HPF1: variants seen among roughly 807,000 people sequenced by gnomAD.
The protein encoded by HPF1 is histone PARylation factor 1.
A neutral mutation model predicts 38.8 loss-of-function variants in HPF1; 35 were observed. The observed-to-expected ratio is 0.90, with a 90% CI of 0.69 to 1.19. HPF1 has a LOEUF of 1.19. Ranked by LOEUF, HPF1 falls within the 50% of genes most tolerant of loss-of-function variation. The pLI is 0.00. For missense variants in HPF1, 367 were observed against 405.8 expected, an observed-to-expected ratio of 0.90 and a Z score of 0.82; for synonymous variants, 115 against 139.2, an observed-to-expected ratio of 0.83 and a Z score of 1.22.
At chr4:169,730,419 G>A (rs556152592) in intron 7 of HPF1, among the ~76,000 whole-genome samples, 14 of 152,266 alleles carry the variant, frequency 9.2e-5, no homozygotes, top group Non-Finnish European at 1.8e-4. Flanking sequence ...ATTTGGATTG[G>A]TCAATGACTG....
At chr4:169,733,196 G>A (rs1290343098) in intron 6 of HPF1, among the ~76,000 whole-genome samples, 1 of 152,132 alleles carries the variant, frequency 6.6e-6, no homozygotes, top group Non-Finnish European at 1.5e-5. Flanking sequence ...TGCGTTTGAG[G>A]TAAGAATAGA....
intron 1 of HPF1, among the ~76,000 whole-genome samples, chr4:169,756,663 T>C (rs1308935729): frequency 6.6e-6 from 1 of 152,178 alleles, no homozygotes; most frequent in Non-Finnish European, 1.5e-5. Context: ...TATGTAAAAA[T>C]ACACAGAACG....
intron 3 of HPF1, among the ~76,000 whole-genome samples, chr4:169,749,519 G>A (rs1339340768): frequency 1.3e-5 from 2 of 152,000 alleles, no homozygotes; most frequent in Non-Finnish European, 2.9e-5. Flanking sequence ...CAGCTCCTCA[G>A]TAAAATATCT....
chr4:169,753,587 G>A, intron 2 of HPF1, 89 bp downstream of exon 2: 1 of 1,104,346 alleles, frequency 9.1e-7, no homozygotes, highest in Non-Finnish European at 1.3e-6. Flanking sequence ...GCCTCAGCTG[G>A]GATTACAGAG....
chr4:169,737,702 C>A lies in HPF1; in HGVS notation c.694G>T (p.Asp232Tyr), dbSNP rs1733916298. 6.8e-6 allele frequency: 11 copies of A among 1,612,690 alleles called. No homozygotes were observed. Among genetic ancestry groups the A allele is most frequent in the Non-Finnish European group, 8.5e-6 (10 of 1,179,088 alleles). ...TCTCGGTACCCAACATCATTTTTAT[C>A]TACTGGAACAACCAAGCCTGCACCA... ...FHGAGLVVPV[D>Y]KNDVGYRELP... The change falls in exon 6 of 8, where the codon GAT becomes TAT. Residue 232 changes from aspartate to tyrosine, a missense_variant. Transcript: ENST00000393381.
At chr4:169,748,987 T>C in intron 3 of HPF1, 145 bp from the exon 4 acceptor site, 1 of 482,630 alleles carries the variant, frequency 2.1e-6, no homozygotes, top group Middle Eastern at 3.2e-4. Context: ...TACCAGAATT[T>C]ATCGATTACA....
At chr4:169,756,938 G>A (rs1412730264) in intron 1 of HPF1, among the ~76,000 whole-genome samples, 1 of 152,180 alleles carries the variant, frequency 6.6e-6, no homozygotes, top group Non-Finnish European at 1.5e-5. Flanking sequence ...TAGAATGCAT[G>A]ACCCAATATG....
chr4:169,757,637 G>A (rs73864764), intron 1 of HPF1, among the ~76,000 whole-genome samples, 193 bp downstream of exon 1: 1,562 of 152,336 alleles, frequency 0.01, 32 homozygotes, highest in African/African-American at 0.036. Context: ...AAGATGCAGA[G>A]GAGCTACTTT....
intron 5 of HPF1, 53 bp downstream of exon 5, chr4:169,741,904 A>AG (rs1733973712): frequency 1.3e-6 from 2 of 1,493,572 alleles, no homozygotes; most frequent in South Asian, 1.2e-5. Context: ...AGGAATCAAG[A>AG]GGGGAAAAAA....
At chr4:169,757,514 GC>G (rs1734204343) in intron 1 of HPF1, among the ~76,000 whole-genome samples, 4 of 152,114 alleles carry the variant, frequency 2.6e-5, no homozygotes, top group African/African-American at 9.7e-5. Flanking sequence ...AATCCGCAGC[GC>G]CCCACAGAAT....
intron 2 of HPF1, among the ~76,000 whole-genome samples, chr4:169,753,062 C>T (rs1316255255): frequency 3.0e-5 from 3 of 101,570 alleles, no homozygotes; most frequent in Admixed American, 1.5e-4. Context: ...GAGACAGGGT[C>T]TTGCTCTGTC....
chr4:169,743,134 T>C (rs191815796), intron 4 of HPF1, among the ~76,000 whole-genome samples: 2 of 151,776 alleles, frequency 1.3e-5, no homozygotes, highest in East Asian at 1.9e-4. Context: ...TCCGAGATGT[T>C]GTTTCATTCT....
At chr4:169,731,386 C>A (rs920970958) in intron 7 of HPF1, among the ~76,000 whole-genome samples, 1 of 152,162 alleles carries the variant, frequency 6.6e-6, no homozygotes, top group Admixed American at 6.5e-5. Flanking sequence ...ACACACACGG[C>A]AAGAAGGCAT....
intron 5 of HPF1, among the ~76,000 whole-genome samples, chr4:169,741,193 C>A (rs1733965011): frequency 1.3e-5 from 2 of 152,180 alleles, no homozygotes; most frequent in African/African-American, 4.8e-5. Context: ...CCTAAGTACA[C>A]TAAGGTACTT....
intron 6 of HPF1, among the ~76,000 whole-genome samples, chr4:169,734,772 T>A (rs1733872077): frequency 6.6e-6 from 1 of 152,178 alleles, no homozygotes; most frequent in South Asian, 2.1e-4. Flanking sequence ...AGTAGTTCTG[T>A]CAAGGTAAAA....
chr4:169,733,817 T>C (rs938238003), intron 6 of HPF1, among the ~76,000 whole-genome samples: 2 of 149,270 alleles, frequency 1.3e-5, no homozygotes, highest in South Asian at 2.1e-4. Flanking sequence ...GATCACCCAG[T>C]GCAGGAGGTG....
At chr4:169,744,379 G>C (rs1253144254) in intron 4 of HPF1, among the ~76,000 whole-genome samples, 1 of 152,138 alleles carries the variant, frequency 6.6e-6, no homozygotes, top group Non-Finnish European at 1.5e-5. Flanking sequence ...GACTATCTCT[G>C]TAAGTTTTTG....
At chr4:169,755,068 C>CCCCTCATATTTATATTCTT (rs1734171320) in intron 1 of HPF1, among the ~76,000 whole-genome samples, 1 of 135,564 alleles carries the variant, frequency 7.4e-6, no homozygotes, top group African/African-American at 2.8e-5. Context: ...CTCCCCCCGC[C>CCCCTCATATTTATATTCTT]CCCTCATATT....
chr4:169,750,850 T>C (rs1167095575), intron 2 of HPF1, 125 bp from the exon 3 acceptor site: 2 of 620,820 alleles, frequency 3.2e-6, no homozygotes, highest in East Asian at 2.8e-5. Context: ...TCTTGAGTTA[T>C]GTGTGAAGAT....
Sources: gnomAD v4.1 joint callset for allele counts (sites outside exome capture counted in the v4.1 genomes callset) on GRCh38, gnomAD v4.1.1 for gene constraint, MANE v1.5 for transcripts, NCBI Gene and HGNC (gene_info 2026-07-23, HGNC 2026-07-21) for gene names.